Variants in CDK14 observed in about 807,000 individuals in gnomAD.
The protein encoded by CDK14 is cyclin-dependent kinase 14.
CDK14 carries 34 observed loss-of-function variants against 60.7 expected under a neutral mutation model. The observed-to-expected ratio is 0.56, with a 90% CI of 0.43 to 0.75. The LOEUF is 0.75. CDK14 is among the 30% of genes least tolerant of loss of function. The pLI is 0.00. For missense variants in CDK14, 482 were observed against 564.1 expected (o/e 0.85, Z 1.47); for synonymous variants, 197 against 203.7 (o/e 0.97, Z 0.28).
At chr7:90,917,785 T>TGTG (rs1436055390) in intron 8 of CDK14, 61 bp downstream of exon 8, 2 of 1,550,170 alleles carry the variant, frequency 1.3e-6, no homozygotes, top group Non-Finnish European at 1.8e-6. Context: ...AGGCAGATGG[T>TGTG]GGCACTGCAT....
chr7:90,698,067 CAAAA>C (rs71104484), intron 2 of CDK14, among the ~76,000 whole-genome samples: 101 of 75,712 alleles, frequency 1.3e-3, no homozygotes, highest in Admixed American at 4.3e-3. Flanking sequence ...GACTCTGTCT[CAAAA>C]AAAAAAAAAA....
At chr7:90,920,196 A>G (rs543653804) in intron 8 of CDK14, among the ~76,000 whole-genome samples, 17 of 152,242 alleles carry the variant, frequency 1.1e-4, no homozygotes. Context: ...GGATGGTTCC[A>G]GGCAGCAAAA....
intron 6 of CDK14, among the ~76,000 whole-genome samples, chr7:90,876,529 C>T (rs1791568171): frequency 6.6e-6 from 1 of 152,206 alleles, no homozygotes; most frequent in Admixed American, 6.5e-5. Flanking sequence ...CTGGTGCCAC[C>T]AATTTCTGAG....
rs1451422892 is a variant in CDK14, at chr7:91,207,784, T to C, written c.*648T>C. On this transcript the variant is annotated 3_prime_UTR_variant, in exon 15 of 15. Transcript: ENST00000380050. The stretch of plus-strand genomic sequence containing the variant: ...CATTTATATATAGGATATTGGACTC[T>C]GCTTAGCATTTTCAAGCCACATAGC... The C allele has an allele frequency of 6.5e-6, 1 of 152,690 alleles. No individual in the cohort carries two copies. Among genetic ancestry groups the C allele is most frequent in the Non-Finnish European group, 1.5e-5 (1 of 68,046 alleles). 9.5% of individuals were successfully genotyped at this position (152,690 alleles called of 1,614,324 possible).
intron 14 of CDK14, among the ~76,000 whole-genome samples, chr7:91,125,714 A>G (rs1799924496): frequency 6.6e-6 from 1 of 152,220 alleles, no homozygotes; most frequent in African/African-American, 2.4e-5. Context: ...ATTGGTGGAA[A>G]TTTATCTCAT....
At chr7:90,882,262 CAAAAAA>C (rs142619671) in intron 6 of CDK14, among the ~76,000 whole-genome samples, 1 of 116,636 alleles carries the variant, frequency 8.6e-6, no homozygotes, top group Non-Finnish European at 1.7e-5. Context: ...AAATGGAAAG[CAAAAAA>C]AAAAAAAAAA....
chr7:90,746,411 T>C (rs6465286), intron 3 of CDK14, among the ~76,000 whole-genome samples: 136,752 of 152,178 alleles, frequency 0.9, 61,499 homozygotes, highest in East Asian at 1. Context: ...CAGGTGTATA[T>C]TCAAAAGTAG....
chr7:91,001,897 T>C (rs990597633), intron 10 of CDK14, among the ~76,000 whole-genome samples: 1 of 152,236 alleles, frequency 6.6e-6, no homozygotes, highest in Non-Finnish European at 1.5e-5. Context: ...ATGTAAGTGA[T>C]ACAACTTAAC....
intron 14 of CDK14, among the ~76,000 whole-genome samples, chr7:91,129,183 A>G (rs1410670596): frequency 6.6e-6 from 1 of 152,164 alleles, no homozygotes; most frequent in African/African-American, 2.4e-5. Context: ...TAACACTAAG[A>G]TATTCTTTGC....
At chr7:90,996,923 C>G (rs774783836) in intron 10 of CDK14, among the ~76,000 whole-genome samples, 1 of 152,168 alleles carries the variant, frequency 6.6e-6, no homozygotes, top group Non-Finnish European at 1.5e-5. Flanking sequence ...TCATGTTGGT[C>G]AATCCCTGGT....
intron 11 of CDK14, among the ~76,000 whole-genome samples, chr7:91,054,371 A>C (rs1234039555): frequency 6.6e-6 from 1 of 152,134 alleles, no homozygotes; most frequent in East Asian, 1.9e-4. Flanking sequence ...GGGTATTTAG[A>C]GCTCTCCCCA....
At chr7:90,953,290 T>TA (rs1157344875) in intron 8 of CDK14, among the ~76,000 whole-genome samples, 2 of 152,192 alleles carry the variant, frequency 1.3e-5, no homozygotes, top group Non-Finnish European at 2.9e-5. Context: ...CTGACACATT[T>TA]ACATGCAAAC....
chr7:90,775,271 G>C (rs1361465996), intron 4 of CDK14, among the ~76,000 whole-genome samples: 1 of 152,118 alleles, frequency 6.6e-6, no homozygotes, highest in Non-Finnish European at 1.5e-5. Context: ...TGCTGTATAT[G>C]GCTTTTAAAA....
chr7:90,923,273 C>A (rs1793307480), intron 8 of CDK14, among the ~76,000 whole-genome samples: 1 of 151,944 alleles, frequency 6.6e-6, no homozygotes, highest in African/African-American at 2.4e-5. Flanking sequence ...CCACTCCTGG[C>A]TAATTTTTTG....
intron 14 of CDK14, among the ~76,000 whole-genome samples, chr7:91,190,318 G>A (rs979723834): frequency 2.0e-5 from 3 of 152,158 alleles, no homozygotes; most frequent in African/African-American, 7.2e-5. Context: ...CATTTCATTG[G>A]TCAGGACAGG....
At position 90,747,749 on chromosome 7, in the gene CDK14, T is replaced by C. The variant is rs1196448406; in HGVS notation, c.438T>C (p.Tyr146=). 3.8e-6 allele frequency: 6 copies of C among 1,594,302 alleles called. No individual in the cohort carries two copies. Among genetic ancestry groups the C allele is most frequent in the Non-Finnish European group, 5.1e-6 (6 of 1,173,208 alleles). The change falls in exon 4 of 15, where the codon TAT becomes TAC. Residue 146 remains tyrosine (Y), a synonymous_variant. Coordinates refer to ENST00000380050, the MANE Select transcript of CDK14 (RefSeq NM_001287135.2). ...EKLEKLGEGS[Y]ATVYKGKSKV... ...TGGAAAAACTAGGGGAAGGATCTTATGCTACAGTATACAAAGGGAAAAGCA... is the reference window on the plus strand; with the variant it reads ...TGGAAAAACTAGGGGAAGGATCTTACGCTACAGTATACAAAGGGAAAAGCA...
At chr7:90,851,127 T>C (rs1183250564) in intron 5 of CDK14, among the ~76,000 whole-genome samples, 1 of 152,188 alleles carries the variant, frequency 6.6e-6, no homozygotes, top group Admixed American at 6.5e-5. Context: ...GGAATTGTAC[T>C]GTGTCAGGAA....
At chr7:90,722,143 C>G (rs1275567206) in intron 2 of CDK14, among the ~76,000 whole-genome samples, 3 of 151,636 alleles carry the variant, frequency 2.0e-5, no homozygotes, top group Non-Finnish European at 4.4e-5. Flanking sequence ...CCCTCTTACC[C>G]CTCTTCCCCC....
chr7:90,913,969 A>G (rs919905311), intron 7 of CDK14, among the ~76,000 whole-genome samples: 1 of 152,138 alleles, frequency 6.6e-6, no homozygotes, highest in Non-Finnish European at 1.5e-5. Context: ...TTTTGAGGGT[A>G]TCAGTTTCTT....
Sources: allele counts gnomAD v4.1 joint callset (sites outside exome capture counted in the v4.1 genomes callset), GRCh38; gene constraint gnomAD v4.1.1; transcripts MANE v1.5; gene names NCBI Gene and HGNC (gene_info 2026-07-23, HGNC 2026-07-21).